The following FER1L6 variants were observed in gnomAD, a reference collection of about 807,000 sequenced individuals.
FER1L6 encodes the protein fer-1-like protein 6.
A neutral mutation model predicts 219.2 loss-of-function variants in FER1L6; 177 were observed. The ratio of observed to expected loss-of-function variants is 0.81; its 90% CI spans 0.71 to 0.91. FER1L6 has a LOEUF of 0.91. FER1L6 is among the 40% of genes least tolerant of loss of function. The pLI is 0.00. For missense variants in FER1L6, 2,153 were observed against 2,259.9 expected, an observed-to-expected ratio of 0.95 and a Z score of 0.96; for synonymous variants, 768 against 824.3, an observed-to-expected ratio of 0.93 and a Z score of 1.17.
intron 34 of FER1L6, among the ~76,000 whole-genome samples, chr8:124,093,760 AT>A (rs33910834): frequency 0.84 from 127,573 of 151,158 alleles, 53,981 homozygotes; most frequent in African/African-American, 0.87. Context: ...CTATTGGGAG[AT>A]TTTTTTGTGG....
At chr8:124,034,414 C>T (rs1432955989) in intron 18 of FER1L6, among the ~76,000 whole-genome samples, 1 of 152,174 alleles carries the variant, frequency 6.6e-6, no homozygotes, top group Admixed American at 6.5e-5. Context: ...TCTGAGAATA[C>T]ATGCACCCCT....
chr8:124,079,911 ACCC>A (rs1291021031), intron 32 of FER1L6, among the ~76,000 whole-genome samples: 1 of 151,726 alleles, frequency 6.6e-6, no homozygotes, highest in East Asian at 1.9e-4. Context: ...TTCTGTTGTC[ACCC>A]CTCCCCAGAC....
intron 22 of FER1L6, 40 bp downstream of exon 22, chr8:124,049,796 C>T (rs1819921019): frequency 6.2e-7 from 1 of 1,609,750 alleles, no homozygotes. Flanking sequence ...ATTAGGTCTA[C>T]CTGGCCAGAG....
intron 22 of FER1L6, chr8:124,058,807 A>G (rs1274471980): frequency 2.0e-5 from 3 of 152,200 alleles, no homozygotes; most frequent in Non-Finnish European, 4.4e-5. Flanking sequence ...GCCAGGCAGT[A>G]TTGGGCATTG....
Position 124,066,526 on chromosome 8 carries a change from T to C in FER1L6, c.3654T>C (p.Tyr1218=), listed in dbSNP as rs369348365. The change falls in exon 27 of 41, where the codon TAT becomes TAC. Residue 1218 remains tyrosine (Y), a synonymous_variant. Transcript: ENST00000522917. ...TGATTGACTGGTGGTCTAAGTATTATGCCTCCCTGAAGAAAGCCCAGAAGG... is the reference window on the plus strand; with the variant it reads ...TGATTGACTGGTGGTCTAAGTATTACGCCTCCCTGAAGAAAGCCCAGAAGG... ...ENVIDWWSKY[Y]ASLKKAQKAK... is the part of the protein sequence containing the mutation. 2.5e-6 allele frequency: 4 copies of C among 1,613,978 alleles called. No individual in the cohort carries two copies. The highest frequency in any genetic ancestry group is 2.2e-5 in the South Asian group (2 of 91,072).
intron 1 of FER1L6, among the ~76,000 whole-genome samples, chr8:123,913,319 TTAAA>T (rs772041322): frequency 3.8e-4 from 55 of 146,548 alleles, no homozygotes; most frequent in East Asian, 1.3e-3. Context: ...TGTTCATATG[TTAAA>T]TAATTTATTC....
chr8:124,045,809 C>T lies in FER1L6; in HGVS notation c.2632C>T (p.Leu878=). The T allele has an allele frequency of 6.2e-7, 1 of 1,614,106 alleles. No homozygotes were observed. The highest frequency in any genetic ancestry group is 8.5e-7 in the Non-Finnish European group (1 of 1,179,992). ...CTCTCCGACCTGGAACCAGATGCTG[C>T]TGTTCAATGATTTGGTGCTGCATGG... ...TLSPTWNQML[L]FNDLVLHGDV... Residue 878 remains leucine, a synonymous_variant, in exon 21 of 41, where the codon CTG becomes TTG. Transcript: ENST00000522917.
At chr8:124,010,539 G>GT (rs1817874640) in intron 13 of FER1L6, 55 bp from the exon 14 acceptor site, 5 of 1,601,796 alleles carry the variant, frequency 3.1e-6, no homozygotes, top group Non-Finnish European at 4.3e-6. Context: ...TGTGACTGGG[G>GT]TTGCCTGGAA....
At chr8:123,865,882 G>A in intron 1 of FER1L6, among the ~76,000 whole-genome samples, 1 of 151,310 alleles carries the variant, frequency 6.6e-6, no homozygotes, top group Non-Finnish European at 1.5e-5. Context: ...CCACTGTCTG[G>A]CACTCCCTAG....
rs1470312837 is a variant in FER1L6, at chr8:124,100,971, A to G, written c.4884-126A>G. 37 of 897,836 alleles carry G rather than the reference A, an allele frequency of 4.1e-5. No individual in the cohort carries two copies. The East Asian group carries it at 8.0e-4, about 19-fold the overall frequency. The allele number at this position is 897,836 out of a possible 1,614,324, so 55.6% of individuals were successfully genotyped here. On this transcript the variant is annotated intron_variant, in intron 37 of 40. Transcript: ENST00000522917. ...AGTTAAAATGGAAACTTCCAACTGAATCTAATTATAATGATTTTTAAACTA... is the reference window on the plus strand; with the variant it reads ...AGTTAAAATGGAAACTTCCAACTGAGTCTAATTATAATGATTTTTAAACTA...
intron 33 of FER1L6, among the ~76,000 whole-genome samples, chr8:124,089,346 C>T (rs1486613113): frequency 6.6e-6 from 1 of 152,188 alleles, no homozygotes; most frequent in Non-Finnish European, 1.5e-5. Flanking sequence ...CCTAAGTGCA[C>T]AGATCCTCTC....
rs958187609 is a variant in FER1L6 at position 123,977,689 on chromosome 8, G to C, written c.1063+80G>C. The C allele has an allele frequency of 3.2e-5, 42 of 1,316,102 alleles. No homozygotes were observed. The Admixed American group carries it at 8.3e-4, about 26-fold the overall frequency. The allele number at this position is 1,316,102 out of a possible 1,614,324, so 81.5% of individuals were successfully genotyped here. On this transcript the variant is annotated intron_variant, in intron 10 of 40. Coordinates refer to ENST00000522917, the MANE Select transcript of FER1L6 (RefSeq NM_001039112.2). ...CCTCATCTTTAAAAGGGGTGGGCTAGAGCAGCAGTCCCCAGCCTTTCTGGC... is the reference window on the plus strand; with the variant it reads ...CCTCATCTTTAAAAGGGGTGGGCTACAGCAGCAGTCCCCAGCCTTTCTGGC...
At position 123,947,955 on chromosome 8, in the gene FER1L6, G is replaced by A. The variant is rs1337393226; in HGVS notation, c.-7-8037G>A. On this transcript the variant is annotated intron_variant, in intron 1 of 40. Transcript: ENST00000522917. The stretch of plus-strand genomic sequence containing the variant: ...TGAGCAATGGTTCGTGGACAAGAGA[G>A]TGTGTGAGTTTAGGAGGAGCTGTCC... 2.6e-5 allele frequency among the ~76,000 whole-genome samples: 4 copies of A among 152,212 alleles called. No homozygotes were observed. The South Asian group carries it at 6.2e-4, about 24-fold the overall frequency.
At chr8:124,004,765 G>A (rs901123079) in intron 13 of FER1L6, among the ~76,000 whole-genome samples, 3 of 152,034 alleles carry the variant, frequency 2.0e-5, no homozygotes, top group Admixed American at 6.5e-5. Flanking sequence ...TTGGGAGGCC[G>A]AGGCGGGTGG....
At chr8:124,084,088 C>A (rs1372993848) in intron 33 of FER1L6, among the ~76,000 whole-genome samples, 1 of 151,384 alleles carries the variant, frequency 6.6e-6, no homozygotes, top group Non-Finnish European at 1.5e-5. Flanking sequence ...TACAGAAATG[C>A]TACTGATTTT....
chr8:123,909,967 A>C (rs931515345), intron 1 of FER1L6, among the ~76,000 whole-genome samples: 1 of 152,212 alleles, frequency 6.6e-6, no homozygotes, highest in African/African-American at 2.4e-5. Context: ...TATAAAAATG[A>C]CAAACCATTT....
intron 9 of FER1L6, among the ~76,000 whole-genome samples, chr8:123,976,561 G>C (rs1347238964): frequency 2.6e-5 from 4 of 151,910 alleles, no homozygotes; most frequent in African/African-American, 7.3e-5. Context: ...ATAGGGGAGG[G>C]TTACTCACTC....
chr8:124,088,864 T>TA (rs1432028757), intron 33 of FER1L6, among the ~76,000 whole-genome samples: 1 of 151,918 alleles, frequency 6.6e-6, no homozygotes, highest in African/African-American at 2.4e-5. Context: ...GCTGAGCTGG[T>TA]ATTCAAGGTG....
intron 6 of FER1L6, 148 bp from the exon 7 acceptor site, chr8:123,973,286 T>C: frequency 4.8e-6 from 3 of 624,030 alleles, no homozygotes; most frequent in Non-Finnish European, 5.8e-6. Context: ...GAAATGAAGG[T>C]GTTGAGGGGC....
Sources: gnomAD v4.1 joint callset for allele counts (sites outside exome capture counted in the v4.1 genomes callset) on GRCh38, gnomAD v4.1.1 for gene constraint, MANE v1.5 for transcripts, NCBI Gene and HGNC (gene_info 2026-07-23, HGNC 2026-07-21) for gene names.